Variants in POLA1 observed in about 807,000 individuals in gnomAD.
The protein encoded by POLA1 is DNA polymerase alpha 1, catalytic subunit.
A neutral mutation model predicts 124.0 loss-of-function variants in POLA1; 15 were observed. The observed-to-expected ratio is 0.12, with a 90% CI of 0.08 to 0.19. The LOEUF (loss-of-function observed/expected upper bound fraction) is 0.19. POLA1 is among the 10% of genes least tolerant of loss of function. The pLI, the probability that POLA1 is intolerant of heterozygous loss-of-function variation, is 1.00. For missense variants in POLA1, 886 were observed against 1,103.4 expected (o/e 0.80, Z 2.79); for synonymous variants, 408 against 389.4 (o/e 1.05, Z -0.56).
chrX:24,780,212 G>A (rs991142735), intron 26 of POLA1, among the ~76,000 whole-genome samples: 20 of 111,906 alleles, frequency 1.8e-4, no homozygotes, highest in African/African-American at 6.5e-4. Context: ...CTTGTAAAAT[G>A]AGGTTGGAAG....
chrX:24,955,868 C>T (rs1380240879), intron 36 of POLA1, among the ~76,000 whole-genome samples: 1 of 111,975 alleles, frequency 8.9e-6, no homozygotes, highest in Non-Finnish European at 1.9e-5. Context: ...TTGTAGTTTT[C>T]AATAACAAGA....
intron 34 of POLA1, among the ~76,000 whole-genome samples, chrX:24,864,865 G>A (rs746441489): frequency 9.0e-6 from 1 of 111,367 alleles, no homozygotes; most frequent in Non-Finnish European, 1.9e-5. Flanking sequence ...TAGACTTCTG[G>A]AGAACAGGGG....
At chrX:24,731,638 A>G (rs1190738509) in intron 15 of POLA1, among the ~76,000 whole-genome samples, 1 of 111,182 alleles carries the variant, frequency 9.0e-6, no homozygotes, top group Non-Finnish European at 1.9e-5. Flanking sequence ...GAATGGTAAT[A>G]CTGGCAACTA....
intron 35 of POLA1, among the ~76,000 whole-genome samples, chrX:24,919,803 TTTTTGTTTTTTTTTTTGTTTTTTTTTTTG>T (rs2047585546): frequency 1.2e-5 from 1 of 84,076 alleles, no homozygotes; most frequent in African/African-American, 7.0e-5. Context: ...CCAGTTTTTT[TTTTTGTTTTTTTTTTTGTTTTTTTTTTTG>T]TTTTGTTTTT....
At position 24,716,468 on chromosome X, in the gene POLA1, A is replaced by C; in HGVS notation, c.618+14A>C. 1.1e-6 allele frequency: 1 copy of C among 931,631 alleles called. No individual in the cohort carries two copies. The allele number at this position is 931,631 out of a possible 1,213,427, so 76.8% of individuals were successfully genotyped here. ...CACACCGCCACGGTAAAGTGTGTAGAGATACCTTCAATCTTGATTTATAGT... is the reference window on the plus strand; with the variant it reads ...CACACCGCCACGGTAAAGTGTGTAGCGATACCTTCAATCTTGATTTATAGT... On this transcript the variant is annotated intron_variant, in intron 7 of 36. Transcript: ENST00000379068.
intron 32 of POLA1, among the ~76,000 whole-genome samples, chrX:24,830,835 C>T (rs772345122): frequency 9.8e-5 from 11 of 111,881 alleles, no homozygotes; most frequent in Non-Finnish European, 1.9e-4. Flanking sequence ...TTATGTATAA[C>T]GGTACTTAGA....
chrX:24,901,562 T>G (rs1185301165), intron 35 of POLA1, among the ~76,000 whole-genome samples: 1 of 111,529 alleles, frequency 9.0e-6, no homozygotes, highest in African/African-American at 3.3e-5. Flanking sequence ...GGGGAGCTAT[T>G]CAGGAATTCC....
At chrX:24,940,500 G>C (rs2047899475) in intron 36 of POLA1, among the ~76,000 whole-genome samples, 1 of 111,462 alleles carries the variant, frequency 9.0e-6, no homozygotes, top group African/African-American at 3.3e-5. Flanking sequence ...TATCATGATG[G>C]AATGTACTAT....
At chrX:24,784,953 C>T (rs2045335609) in intron 26 of POLA1, among the ~76,000 whole-genome samples, 1 of 111,636 alleles carries the variant, frequency 9.0e-6, no homozygotes, top group South Asian at 3.8e-4. Context: ...AGATGATTCA[C>T]ATAATTAAGA....
In POLA1 at chrX:24,742,162, C is replaced by A. The variant is rs777545487; in HGVS notation, c.2466+41C>A. ...TGTAGTATTTTGTTTTCTCTTAACC[C>A]CCCCCCCCCTTTTAATACCTAGATA... On this transcript the variant is annotated intron_variant, in intron 22 of 36. Transcript: ENST00000379068. 38 of 808,678 alleles carry A rather than the reference C, an allele frequency of 4.7e-5. No homozygotes were observed. The East Asian group carries it at 6.9e-4, about 15-fold the overall frequency. 66.6% of individuals were successfully genotyped at this position (808,678 alleles called of 1,213,427 possible). A position where few individuals can be genotyped will look rare whatever the true frequency, so the allele number is the denominator to read the frequency against.
intron 36 of POLA1, among the ~76,000 whole-genome samples, chrX:24,973,026 T>C (rs1422125352): frequency 8.9e-6 from 1 of 112,095 alleles, no homozygotes; most frequent in Admixed American, 9.5e-5. Context: ...GGGTAAGGTA[T>C]GTTGGCAGAT....
intron 36 of POLA1, among the ~76,000 whole-genome samples, chrX:24,938,288 T>G (rs2047875914): frequency 9.0e-6 from 1 of 111,449 alleles, no homozygotes; most frequent in South Asian, 3.9e-4. Context: ...TGGTGGCACG[T>G]GCCTGTAATC....
chrX:24,855,688 A>T (rs1310506440), intron 34 of POLA1, among the ~76,000 whole-genome samples: 1 of 111,828 alleles, frequency 8.9e-6, no homozygotes, highest in East Asian at 2.8e-4. Context: ...CCAGTGGGTC[A>T]TGAAGACAGA....
At chrX:24,947,914 A>G (rs2047987843) in intron 36 of POLA1, among the ~76,000 whole-genome samples, 1 of 112,448 alleles carries the variant, frequency 8.9e-6, no homozygotes, top group Non-Finnish European at 1.9e-5. Context: ...CAGAGTAATC[A>G]TTGCACGATA....
intron 26 of POLA1, among the ~76,000 whole-genome samples, chrX:24,767,709 C>T (rs1444896311): frequency 9.0e-6 from 1 of 111,380 alleles, no homozygotes; most frequent in Non-Finnish European, 1.9e-5. Flanking sequence ...ATGTACTGAA[C>T]TGAGAAAATC....
chrX:24,762,345 A>C (rs1698070702), intron 26 of POLA1, among the ~76,000 whole-genome samples: 1 of 112,171 alleles, frequency 8.9e-6, no homozygotes, highest in Non-Finnish European at 1.9e-5. Context: ...CTGTTAATCA[A>C]ATGGTCAATG....
intron 36 of POLA1, among the ~76,000 whole-genome samples, chrX:24,973,196 A>G (rs2048324457): frequency 9.0e-6 from 1 of 111,318 alleles, no homozygotes; most frequent in South Asian, 3.8e-4. Flanking sequence ...GTCTCTACTA[A>G]AAATACAAAA....
intron 32 of POLA1, among the ~76,000 whole-genome samples, chrX:24,832,810 T>C (rs2046283718): frequency 8.9e-6 from 1 of 111,994 alleles, no homozygotes; most frequent in African/African-American, 3.2e-5. Context: ...GGTTCCCCCT[T>C]TGCTGACAAA....
intron 36 of POLA1, among the ~76,000 whole-genome samples, chrX:24,985,430 T>TA (rs1379200767): frequency 1.8e-5 from 2 of 112,976 alleles, no homozygotes; most frequent in African/African-American, 6.4e-5. Context: ...AATATTCTAA[T>TA]AACCCCCCAT....
Sources: gnomAD v4.1 joint callset for allele counts (sites outside exome capture counted in the v4.1 genomes callset) on GRCh38, gnomAD v4.1.1 for gene constraint, MANE v1.5 for transcripts, NCBI Gene and HGNC (gene_info 2026-07-23, HGNC 2026-07-21) for gene names.